The following GRIP2 variants were observed in gnomAD, a reference collection of about 807,000 sequenced individuals.
GRIP2 encodes the protein glutamate receptor interacting protein 2, also known as glutamate receptor-interacting protein 2.
GRIP2 carries 58 observed loss-of-function variants against 108.3 expected under a neutral mutation model. That is an observed-to-expected ratio of 0.54 (90% confidence interval 0.43 to 0.67). GRIP2 has a LOEUF of 0.67. Among genes scored for constraint, GRIP2 ranks in the 30% least tolerant of loss-of-function variants. The pLI is 0.00. For missense variants in GRIP2, 1,278 were observed against 1,430.6 expected (o/e 0.89, Z 1.72); for synonymous variants, 586 against 598.2 (o/e 0.98, Z 0.30).
intron 9 of GRIP2, among the ~76,000 whole-genome samples, chr3:14,519,434 C>T (rs1482240688): frequency 6.6e-6 from 1 of 152,230 alleles, no homozygotes; most frequent in Non-Finnish European, 1.5e-5. Flanking sequence ...GAAGTCCTCC[C>T]TCCTTTTTAC....
At chr3:14,525,765 T>C (rs116655804) in intron 2 of GRIP2, 86 bp downstream of exon 2, 24,525 of 1,380,154 alleles carry the variant, frequency 0.018, 295 homozygotes, top group East Asian at 0.043. Flanking sequence ...AGCAAGTCAG[T>C]GGCAGAGCCG....
At chr3:14,561,018 C>A (rs893861598), upstream of GRIP2, among the ~76,000 whole-genome samples, 1 of 152,200 alleles carries the variant, frequency 6.6e-6, no homozygotes, top group Non-Finnish European at 1.5e-5. Flanking sequence ...TGCAGGGGCC[C>A]CAGCTGAGCA....
chr3:14,578,001 C>G, the GRIP2 span, among the ~76,000 whole-genome samples: 318 of 152,338 alleles, frequency 2.1e-3, no homozygotes, highest in Non-Finnish European at 2.7e-3. Context: ...CCTGGCTCAG[C>G]CTTCAGGCTG....
chr3:14,557,328 C>G (rs1360259956), upstream of GRIP2, among the ~76,000 whole-genome samples: 4 of 152,244 alleles, frequency 2.6e-5, no homozygotes, highest in African/African-American at 9.6e-5. Flanking sequence ...ATGCAGGAGT[C>G]TCCTTTCGGC....
chr3:14,549,835 A>G (rs564598881), intron 1 of GRIP2, among the ~76,000 whole-genome samples: 1 of 152,196 alleles, frequency 6.6e-6, no homozygotes, highest in Non-Finnish European at 1.5e-5. Flanking sequence ...CTTAAATCAC[A>G]GTTCAATTCA....
chr3:14,514,254 G>A (rs757342703), intron 12 of GRIP2, 38 bp downstream of exon 12: 1 of 1,497,254 alleles, frequency 6.7e-7, no homozygotes, highest in Non-Finnish European at 9.0e-7. Flanking sequence ...TTCTCTCAGA[G>A]AGTGGCAGGC....
In GRIP2 at chr3:14,503,574, C is replaced by T; in HGVS notation, c.2671G>A (p.Glu891Lys). Reference sequence around the variant, plus strand: ...AGGGCAGGCAGCCATACCTCCAGTTCCCTCAGCAGCTCTGACTGACCACAT... The same window carrying T: ...AGGGCAGGCAGCCATACCTCCAGTTTCCTCAGCAGCTCTGACTGACCACAT... The part of the protein sequence containing the change: ...ESCGQSELLR[E>K]LEASIMTGTV... The change falls in exon 21 of 24, where the codon GAA becomes AAA. Residue 891 changes from glutamate (E) to lysine (K), a missense_variant. By Grantham distance (56) the Glu-to-Lys change is moderately conservative (BLOSUM62 1). Coordinates refer to ENST00000621039, the MANE Select transcript of GRIP2 (RefSeq NM_001080423.4). 6.2e-7 allele frequency: 1 copy of T among 1,609,174 alleles called. No individual in the cohort carries two copies. The highest frequency in any genetic ancestry group is 8.5e-7 in the Non-Finnish European group (1 of 1,177,764).
At chr3:14,562,594 G>A in the GRIP2 span, among the ~76,000 whole-genome samples, 1 of 152,204 alleles carries the variant, frequency 6.6e-6, no homozygotes, top group Admixed American at 6.5e-5. Context: ...TAAGGGAAAG[G>A]CATCCTTCAG....
chr3:14,591,035 A>G, the GRIP2 span, among the ~76,000 whole-genome samples: 70,795 of 152,018 alleles, frequency 0.47, 16,761 homozygotes, highest in East Asian at 0.59. Context: ...CTGCAGAGTC[A>G]TCCCTCCACA....
chr3:14,576,637 T>C, the GRIP2 span, among the ~76,000 whole-genome samples: 4 of 152,168 alleles, frequency 2.6e-5, no homozygotes, highest in African/African-American at 9.7e-5. Flanking sequence ...ACAGGTGCTC[T>C]CCTGCCACGT....
the GRIP2 span, among the ~76,000 whole-genome samples, chr3:14,577,962 G>C: frequency 6.6e-6 from 1 of 152,230 alleles, no homozygotes; most frequent in Non-Finnish European, 1.5e-5. Context: ...AGGGCCTGTG[G>C]GGTGAACAGG....
At chr3:14,584,300 A>C in the GRIP2 span, among the ~76,000 whole-genome samples, 3 of 152,152 alleles carry the variant, frequency 2.0e-5, no homozygotes, top group Admixed American at 6.5e-5. Flanking sequence ...AAAATAAAAC[A>C]CAACAGAACA....
At chr3:14,532,581 C>T (rs1157518583) in intron 1 of GRIP2, among the ~76,000 whole-genome samples, 2 of 152,142 alleles carry the variant, frequency 1.3e-5, no homozygotes, top group East Asian at 3.9e-4. Context: ...CCTAGGGGAA[C>T]CATATCGCCC....
the GRIP2 span, among the ~76,000 whole-genome samples, chr3:14,591,319 A>G: frequency 2.6e-5 from 4 of 152,154 alleles, no homozygotes; most frequent in African/African-American, 9.7e-5. Context: ...CTTGAGCACC[A>G]TACTTCCAGG....
chr3:14,504,432 C>T (rs1693861221), intron 20 of GRIP2, among the ~76,000 whole-genome samples: 1 of 151,802 alleles, frequency 6.6e-6, no homozygotes, highest in Admixed American at 6.6e-5. Flanking sequence ...CTGCCTCAGC[C>T]TCCCGAGAAG....
Position 14,523,716 on chromosome 3 carries a change from A to T in GRIP2, c.404-18T>A. On this transcript the variant is annotated intron_variant, in intron 4 of 23. Transcript: ENST00000621039. ...CTCAGGAGCTGGGGAGAAATGGAGG[A>T]CTCCTTTGAGTCCCTCAGTCGCATC... 2 of 1,573,824 alleles carry T rather than the reference A, an allele frequency of 1.3e-6. No individual in the cohort carries two copies. Among genetic ancestry groups the T allele is most frequent in the East Asian group, 4.5e-5 (2 of 44,412 alleles).
At chr3:14,547,709 C>A (rs965101939) in intron 1 of GRIP2, among the ~76,000 whole-genome samples, 17 of 152,188 alleles carry the variant, frequency 1.1e-4, no homozygotes, top group Admixed American at 1.0e-3. Context: ...CCCTCAGGGG[C>A]TGCTCTGACT....
At chr3:14,589,528 G>T in the GRIP2 span, among the ~76,000 whole-genome samples, 3 of 152,160 alleles carry the variant, frequency 2.0e-5, no homozygotes, top group African/African-American at 4.8e-5. Flanking sequence ...ATCCCCTATA[G>T]ACAGTTGGTT....
At chr3:14,549,882 C>T (rs1460608755) in intron 1 of GRIP2, among the ~76,000 whole-genome samples, 1 of 152,182 alleles carries the variant, frequency 6.6e-6, no homozygotes, top group East Asian at 1.9e-4. Flanking sequence ...ACGTGGTGAT[C>T]ACCAGATTCT....
Sources: allele counts gnomAD v4.1 joint callset (sites outside exome capture counted in the v4.1 genomes callset), GRCh38; gene constraint gnomAD v4.1.1; transcripts MANE v1.5; gene names NCBI Gene and HGNC (gene_info 2026-07-23, HGNC 2026-07-21).